ZNF254: variants seen among roughly 807,000 people sequenced by gnomAD.
ZNF254 encodes the protein zinc finger protein 254.
In ZNF254, 10 loss-of-function variants were observed where a neutral mutation model predicts 12.4. The observed-to-expected ratio is 0.80, with a 90% CI of 0.50 to 1.36. ZNF254 has a LOEUF of 1.36. Ranked by LOEUF, ZNF254 falls within the 40% of genes most tolerant of loss-of-function variation. ZNF254 has a pLI of 0.00. For synonymous variants in ZNF254, 305 were observed against 253.4 expected, an observed-to-expected ratio of 1.20 and a Z score of -1.93; for missense variants, 996 against 763.9, an observed-to-expected ratio of 1.30 and a Z score of -3.58.
Position 24,127,774 on chromosome 19 carries a change from CAT to C in ZNF254, c.1776_1777del (p.His592GlnfsTer13), listed in dbSNP as rs1974999595. On this transcript the variant is annotated frameshift_variant, in exon 4 of 4. Coordinates refer to ENST00000357002, the MANE Select transcript of ZNF254 (RefSeq NM_203282.4). LOFTEE classifies it low-confidence loss of function (END_TRUNC). ...TAACCGGTCTTCAACTTTTACTAAACATAAGGTAATTCATACTGGAGTAAAAC... is the reference window on the plus strand; with the variant it reads ...TAACCGGTCTTCAACTTTTACTAAACAAGGTAATTCATACTGGAGTAAAAC... ...SFNRSSTFTK[H>X]KVIHTGVKPY... is the part of the protein sequence containing the mutation. 1.9e-6 allele frequency: 3 copies of C among 1,612,406 alleles called. No individual in the cohort carries two copies. The highest frequency in any genetic ancestry group is 2.5e-6 in the Non-Finnish European group (3 of 1,179,434).
At chr19:24,118,666 A>T (rs1974273719) in intron 3 of ZNF254, among the ~76,000 whole-genome samples, 1 of 152,034 alleles carries the variant, frequency 6.6e-6, no homozygotes, top group Admixed American at 6.6e-5. Context: ...TTATCCCTCT[A>T]TTAAATGTTT....
At chr19:24,049,206 ATATATATATTT>A (rs761569309) in intron 2 of ZNF254, among the ~76,000 whole-genome samples, 1,674 of 53,772 alleles carry the variant, frequency 0.031, 19 homozygotes, top group South Asian at 0.11. Flanking sequence ...ATATATATAT[ATATATATATTT>A]TTTTTTTTTT....
intron 3 of ZNF254, among the ~76,000 whole-genome samples, chr19:24,109,691 T>C (rs192933390): frequency 1.0e-4 from 15 of 149,876 alleles, no homozygotes; most frequent in African/African-American, 3.7e-4. Flanking sequence ...GCTAATTTTC[T>C]TTTTCTTTTT....
chr19:24,103,155 C>T (rs1004131507), intron 1 of ZNF254, among the ~76,000 whole-genome samples: 13 of 152,080 alleles, frequency 8.5e-5, no homozygotes, highest in Admixed American at 1.3e-4. Flanking sequence ...TTTAAAGAGC[C>T]AGAAAATAAT....
intron 3 of ZNF254, among the ~76,000 whole-genome samples, chr19:24,119,962 A>G (rs1372889663): frequency 6.6e-6 from 1 of 152,034 alleles, no homozygotes; most frequent in Non-Finnish European, 1.5e-5. Context: ...CTTTCTATAA[A>G]TATTATCTTC....
At chr19:24,084,950 T>TTTG (rs1971971586), upstream of ZNF254, among the ~76,000 whole-genome samples, 1 of 149,572 alleles carries the variant, frequency 6.7e-6, no homozygotes, top group Non-Finnish European at 1.5e-5. Context: ...TTTTTTTTTT[T>TTTG]GAGACAGAGC....
intron 1 of ZNF254, among the ~76,000 whole-genome samples, chr19:24,043,007 T>C (rs1432737087): frequency 1.3e-5 from 2 of 152,208 alleles, no homozygotes; most frequent in Non-Finnish European, 2.9e-5. Context: ...TTTTTCTTTT[T>C]AGGTTTTTTT....
intron 3 of ZNF254, among the ~76,000 whole-genome samples, chr19:24,124,252 T>C (rs1201973249): frequency 1.3e-5 from 2 of 152,018 alleles, no homozygotes; most frequent in African/African-American, 4.8e-5. Flanking sequence ...TTATTATACC[T>C]TCCCTCAAAT....
intron 3 of ZNF254, among the ~76,000 whole-genome samples, chr19:24,111,708 G>C (rs1009685709): frequency 6.6e-6 from 1 of 152,236 alleles, no homozygotes; most frequent in African/African-American, 2.4e-5. Flanking sequence ...GGCCAGTGAT[G>C]ATGAGCATTT....
chr19:24,077,215 C>A (rs2145546823), intron 2 of ZNF254, among the ~76,000 whole-genome samples: 1 of 152,268 alleles, frequency 6.6e-6, no homozygotes, highest in South Asian at 2.1e-4. Context: ...TCCTGTCTTA[C>A]CTGACCACAC....
At chr19:24,066,093 C>T (rs1434050192) in intron 2 of ZNF254, 1 of 151,938 alleles carries the variant, frequency 6.6e-6, no homozygotes, top group African/African-American at 2.4e-5. Context: ...AGTCTCCTAC[C>T]TAGGCCCTTC....
upstream of ZNF254, among the ~76,000 whole-genome samples, chr19:24,083,699 T>C (rs189446104): frequency 1.6e-4 from 24 of 152,204 alleles, no homozygotes; most frequent in Non-Finnish European, 2.5e-4. Context: ...CAAAAGAAGA[T>C]ATACAAATGG....
At chr19:24,069,954 C>T (rs530912646) in intron 2 of ZNF254, among the ~76,000 whole-genome samples, 146 of 152,204 alleles carry the variant, frequency 9.6e-4, no homozygotes, top group Middle Eastern at 3.4e-3. Flanking sequence ...AACATCCTGC[C>T]GCTCATTACA....
upstream of ZNF254, among the ~76,000 whole-genome samples, chr19:24,083,188 A>T (rs2145593074): frequency 6.6e-6 from 1 of 152,178 alleles, no homozygotes; most frequent in East Asian, 1.9e-4. Flanking sequence ...CTGATATTTA[A>T]ATCAAGAACT....
At chr19:24,087,442 T>C in intron 1 of ZNF254, 105 bp downstream of exon 1, 2 of 1,457,910 alleles carry the variant, frequency 1.4e-6, no homozygotes, top group African/African-American at 1.4e-5. Context: ...AGCTCCACAA[T>C]CTGCGCCCAG....
upstream of ZNF254, among the ~76,000 whole-genome samples, chr19:24,082,644 C>T (rs1331199343): frequency 7.5e-6 from 1 of 133,586 alleles, no homozygotes; most frequent in Non-Finnish European, 1.6e-5. Context: ...AGTGAGATTC[C>T]ATCTCAAAAA....
At chr19:24,045,737 T>C (rs1970360240) in intron 1 of ZNF254, among the ~76,000 whole-genome samples, 1 of 150,752 alleles carries the variant, frequency 6.6e-6, no homozygotes, top group Non-Finnish European at 1.5e-5. Context: ...GCGCTAGCCA[T>C]CTCTCGGTCG....
intron 3 of ZNF254, among the ~76,000 whole-genome samples, chr19:24,120,461 T>C (rs888355906): frequency 4.6e-5 from 7 of 152,160 alleles, no homozygotes; most frequent in Non-Finnish European, 8.8e-5. Flanking sequence ...TGTATTAACA[T>C]TTATGCAGAT....
rs759099982 is a variant in ZNF254, at chr19:24,127,696, A to G, written c.1696A>G (p.Arg566Gly). 5 of 1,613,328 alleles carry G rather than the reference A, an allele frequency of 3.1e-6. No homozygotes were observed. Among genetic ancestry groups the G allele is most frequent in the Non-Finnish European group, 3.4e-6 (4 of 1,179,730 alleles). Residue 566 changes from arginine (R) to glycine (G), a missense_variant, in exon 4 of 4, where the codon AGA (arginine) becomes GGA (glycine). Physicochemically the swap from Arg to Gly is moderately radical, Grantham distance 125. Coordinates refer to ENST00000357002, the MANE Select transcript of ZNF254 (RefSeq NM_203282.4). ...GTCTTCAATCCTTACTAACCATAAGAGAATTCATACTGGAGAGAAACCCTA... is the reference window on the plus strand; with the variant it reads ...GTCTTCAATCCTTACTAACCATAAGGGAATTCATACTGGAGAGAAACCCTA... ...KQSSILTNHKRIHTGEKPYKC... is the reference protein window; with the variant it reads ...KQSSILTNHKGIHTGEKPYKC...
Sources: gnomAD v4.1 joint callset for allele counts (sites outside exome capture counted in the v4.1 genomes callset) on GRCh38, gnomAD v4.1.1 for gene constraint, MANE v1.5 for transcripts, NCBI Gene and HGNC (gene_info 2026-07-23, HGNC 2026-07-21) for gene names.